The following APC variants were observed in gnomAD, a reference collection of about 807,000 sequenced individuals.
APC encodes adenomatous polyposis coli protein.
APC carries 72 observed loss-of-function variants against 247.0 expected under a neutral mutation model. That is an observed-to-expected ratio of 0.29 (90% CI 0.24 to 0.35). The LOEUF (loss-of-function observed/expected upper bound fraction) is 0.35. Ranked by LOEUF, APC falls within the 10% of genes least tolerant of loss-of-function variation. The probability of loss-of-function intolerance (pLI) is 1.00; values close to 1 mark genes in which losing one functional copy is unlikely to be tolerated. For missense variants in APC, 3,400 were observed against 3,360.7 expected (o/e 1.01, Z -0.29); for synonymous variants, 1,254 against 1,162.5 (o/e 1.08, Z -1.60).
chr5:112,820,461 C>T (rs866228677), intron 10 of APC, among the ~76,000 whole-genome samples: 2 of 152,012 alleles, frequency 1.3e-5, no homozygotes, highest in Non-Finnish European at 2.9e-5. Context: ...ACCAGCTGGG[C>T]AGCACAGTGA....
At chr5:112,799,918 T>C (rs368976584) in intron 7 of APC, among the ~76,000 whole-genome samples, 237 of 152,256 alleles carry the variant, frequency 1.6e-3, no homozygotes, top group South Asian at 3.7e-3. Context: ...TCCTATTTAC[T>C]CTTCAAGTCT....
At position 112,835,747 on chromosome 5, in the gene APC, A is replaced by G. The variant is rs116529986; in HGVS notation, c.1958+582A>G. The stretch of plus-strand genomic sequence containing the variant: ...GCCACAACACCCGGCTAATTTTTCT[A>G]TTTTTTGGTAGAGATGGGGTTTCAC... On this transcript the variant is annotated intron_variant, in intron 15 of 15. Coordinates refer to ENST00000257430, the MANE Select transcript of APC (RefSeq NM_000038.6). Among the ~76,000 whole-genome samples the G allele has an allele frequency of 8.3e-4, 126 of 151,548 alleles. 1 individual carries two copies. Among genetic ancestry groups the G allele is most frequent in the Middle Eastern group, 3.4e-3 (1 of 294 alleles).
chr5:112,797,530 C>T (rs187621719), intron 7 of APC, among the ~76,000 whole-genome samples: 1 of 152,276 alleles, frequency 6.6e-6, no homozygotes, highest in East Asian at 1.9e-4. Context: ...CTAATTATTA[C>T]ACATGATTCA....
chr5:112,715,200 A>G (rs1181845148), intron 1 of APC, among the ~76,000 whole-genome samples: 3 of 152,206 alleles, frequency 2.0e-5, no homozygotes, highest in African/African-American at 7.2e-5. Flanking sequence ...ACCAATTATT[A>G]ATTGAACAAA....
Position 112,801,371 on chromosome 5 carries a change from T to A in APC, c.822T>A (p.Ser274=), listed in dbSNP as rs776589022. 6.2e-7 allele frequency: 1 copy of A among 1,607,630 alleles called. No homozygotes were observed. The highest frequency in any genetic ancestry group is 1.1e-5 in the South Asian group (1 of 90,630). Residue 274 remains serine, a synonymous_variant, in exon 8 of 16, where the codon TCT becomes TCA. Transcript: ENST00000257430. ...TGGGAGAAATCAACATGGCAACTTC[T>A]GGTAATGGTCAGGTAAATAAATTAT... is the stretch of plus-strand genomic sequence containing the variant. ...QGVGEINMAT[S]GNGQGSTTRM...
intron 6 of APC, among the ~76,000 whole-genome samples, chr5:112,784,760 T>C (rs1485315358): frequency 1.3e-5 from 2 of 152,020 alleles, no homozygotes; most frequent in African/African-American, 2.4e-5. Context: ...TAAATAAGAA[T>C]TCCAAATAAA....
chr5:112,801,224 G>A (rs2149710975), intron 7 of APC, 55 bp from the exon 8 acceptor site: 1 of 1,466,302 alleles, frequency 6.8e-7, no homozygotes, highest in Non-Finnish European at 9.5e-7. Flanking sequence ...AAAGCCTTGG[G>A]CTAAGAAAGC....
At chr5:112,814,953 T>C (rs1762346980) in intron 8 of APC, among the ~76,000 whole-genome samples, 1 of 152,246 alleles carries the variant, frequency 6.6e-6, no homozygotes. Context: ...GTAATTTCTT[T>C]CTTCCTGTTT....
At chr5:112,723,194 C>A (rs1034948870) in intron 1 of APC, among the ~76,000 whole-genome samples, 3 of 152,114 alleles carry the variant, frequency 2.0e-5, no homozygotes, top group Non-Finnish European at 4.4e-5. Context: ...GAGCCAGGAA[C>A]TGGCTGGGCG....
intron 14 of APC, among the ~76,000 whole-genome samples, chr5:112,834,321 G>A (rs569479823): frequency 1.4e-5 from 2 of 144,930 alleles, no homozygotes; most frequent in African/African-American, 5.1e-5. Context: ...GGCTCACTGC[G>A]ACCTCTGCCT....
At chr5:112,818,185 T>C (rs1762699462) in intron 9 of APC, among the ~76,000 whole-genome samples, 1 of 152,246 alleles carries the variant, frequency 6.6e-6, no homozygotes. Context: ...TAGAGAATGA[T>C]GCATTCTTTA....
chr5:112,720,720 T>C (rs989121496), intron 1 of APC, among the ~76,000 whole-genome samples: 1 of 152,204 alleles, frequency 6.6e-6, no homozygotes, highest in Non-Finnish European at 1.5e-5. Context: ...AGGCAAACTT[T>C]CCAGGAGACA....
intron 6 of APC, among the ~76,000 whole-genome samples, chr5:112,789,601 A>G (rs1469176125): frequency 1.3e-5 from 2 of 152,290 alleles, no homozygotes; most frequent in East Asian, 3.9e-4. Flanking sequence ...ATTTTTATTT[A>G]GGCCTATATT....
intron 1 of APC, among the ~76,000 whole-genome samples, chr5:112,739,261 A>G (rs964213001): frequency 2.0e-5 from 3 of 152,150 alleles, no homozygotes; most frequent in African/African-American, 7.2e-5. Flanking sequence ...ACCTAAATGT[A>G]AAAGCCTATC....
intron 1 of APC, among the ~76,000 whole-genome samples, chr5:112,745,768 A>G (rs1188147870): frequency 6.6e-6 from 1 of 151,896 alleles, no homozygotes; most frequent in Non-Finnish European, 1.5e-5. Flanking sequence ...GGATTTCACC[A>G]TGTTGGCCAG....
intron 8 of APC, among the ~76,000 whole-genome samples, chr5:112,802,745 T>C (rs1201821989): frequency 6.6e-6 from 1 of 152,074 alleles, no homozygotes; most frequent in African/African-American, 2.4e-5. Flanking sequence ...GATTGATAGA[T>C]TTCACGTTAC....
chr5:112,715,818 ATTG>A (rs897715307), intron 1 of APC, among the ~76,000 whole-genome samples: 7 of 152,118 alleles, frequency 4.6e-5, no homozygotes, highest in African/African-American at 1.7e-4. Context: ...AATTCAATGT[ATTG>A]TTTTTAAGCC....
rs1766014920 is a variant in APC, at chr5:112,841,293, T to A, written c.5699T>A (p.Leu1900Gln). Reference protein sequence around the residue: ...SEAKVTSHTELTSNQQSANKT... With the variant: ...SEAKVTSHTEQTSNQQSANKT... Reference sequence around the variant, plus strand: ...GCTAAAGTTACCAGCCACACAGAACTAACCTCCAACCAACAATCAGCTAAT... The same window carrying A: ...GCTAAAGTTACCAGCCACACAGAACAAACCTCCAACCAACAATCAGCTAAT... Residue 1900 changes from leucine to glutamine, a missense_variant, in exon 16 of 16, where the codon CTA becomes CAA. Physicochemically the swap from Leu to Gln is moderately radical, Grantham distance 113 (BLOSUM62 -2). This residue lies in a region of APC where 1,788 missense variants were observed against 1,649.5 expected (regional missense o/e 1.08). Transcript: ENST00000257430. The surrounding 1 kb of genome is among the most constrained non-coding windows in gnomAD (Gnocchi z 4.6). The A allele has an allele frequency of 6.2e-7, 1 of 1,613,838 alleles. No individual in the cohort carries two copies. The highest frequency in any genetic ancestry group is 1.7e-5 in the Admixed American group (1 of 59,970).
At chr5:112,738,295 TGGCGA>T in intron 1 of APC, 1 of 985,504 alleles carries the variant, frequency 1.0e-6, no homozygotes, top group Non-Finnish European at 1.2e-6. Context: ...AGCATATTCA[TGGCGA>T]GGAGCAAAAG....
Sources: allele counts gnomAD v4.1 joint callset (sites outside exome capture counted in the v4.1 genomes callset), GRCh38; gene constraint gnomAD v4.1.1; regional missense constraint gnomAD v4.1.1; non-coding constraint Gnocchi (gnomAD v3.1); transcripts MANE v1.5; gene names NCBI Gene and HGNC (gene_info 2026-07-23, HGNC 2026-07-21).